PCBD2: variants seen among roughly 807,000 people sequenced by gnomAD.
PCBD2 encodes pterin-4 alpha-carbinolamine dehydratase 2, also known as pterin-4-alpha-carbinolamine dehydratase 2.
PCBD2 carries 12 observed loss-of-function variants against 16.4 expected under a neutral mutation model. The observed-to-expected ratio is 0.73, with a 90% CI of 0.47 to 1.19. The LOEUF is 1.19. Ranked by LOEUF, PCBD2 falls within the 50% of genes most tolerant of loss-of-function variation. The pLI is 0.00. For synonymous variants in PCBD2, 58 were observed against 61.8 expected, an observed-to-expected ratio of 0.94 and a Z score of 0.29; for missense variants, 138 against 156.8, an observed-to-expected ratio of 0.88 and a Z score of 0.64.
chr5:134,915,716 A>G (rs1750824341), intron 2 of PCBD2, among the ~76,000 whole-genome samples: 1 of 151,706 alleles, frequency 6.6e-6, no homozygotes, highest in Non-Finnish European at 1.5e-5. Flanking sequence ...CTCTCAAAGT[A>G]TTGGGGTTAT....
intron 1 of PCBD2, chr5:134,908,944 T>C (rs1351563155): frequency 1.3e-5 from 2 of 152,176 alleles, no homozygotes; most frequent in African/African-American, 4.8e-5. Context: ...TTCACTAATG[T>C]TCATCTTTCT....
chr5:134,945,883 G>A (rs1289439162), intron 2 of PCBD2, among the ~76,000 whole-genome samples: 1 of 152,084 alleles, frequency 6.6e-6, no homozygotes, highest in Non-Finnish European at 1.5e-5. Flanking sequence ...GGCAAGAGAG[G>A]TTTAGGATTT....
chr5:134,946,158 C>A (rs1437555124), intron 2 of PCBD2, among the ~76,000 whole-genome samples: 2 of 151,482 alleles, frequency 1.3e-5, no homozygotes, highest in Admixed American at 1.3e-4. Flanking sequence ...ATGTTTCTCT[C>A]CTTAAGCCTA....
At chr5:134,940,488 A>G (rs897147959) in intron 2 of PCBD2, among the ~76,000 whole-genome samples, 1 of 152,126 alleles carries the variant, frequency 6.6e-6, no homozygotes, top group East Asian at 1.9e-4. Flanking sequence ...TAAGGTTTCA[A>G]TAAAGAATGT....
intron 2 of PCBD2, among the ~76,000 whole-genome samples, chr5:134,948,064 G>GT (rs1751319058): frequency 6.6e-6 from 1 of 151,928 alleles, no homozygotes; most frequent in African/African-American, 2.4e-5. Context: ...GGGAACTCTG[G>GT]TAAGGGGCTT....
At chr5:134,911,362 C>T (rs1054791318) in intron 2 of PCBD2, among the ~76,000 whole-genome samples, 4 of 152,198 alleles carry the variant, frequency 2.6e-5, no homozygotes, top group Non-Finnish European at 5.9e-5. Context: ...CCATTAGGGA[C>T]CCACCCTGTT....
chr5:134,928,270 T>C (rs1751044936), intron 2 of PCBD2: 1 of 388,804 alleles, frequency 2.6e-6, no homozygotes, highest in East Asian at 3.6e-5. Flanking sequence ...GATATACTAG[T>C]ATTCCTAGAA....
chr5:134,939,364 A>G (rs565157690), intron 2 of PCBD2, among the ~76,000 whole-genome samples: 16 of 151,020 alleles, frequency 1.1e-4, no homozygotes, highest in Non-Finnish European at 1.9e-4. Flanking sequence ...GAGATTCTGA[A>G]GTTTTTAGAA....
At chr5:134,931,863 G>T (rs1751102858) in intron 2 of PCBD2, among the ~76,000 whole-genome samples, 1 of 152,192 alleles carries the variant, frequency 6.6e-6, no homozygotes, top group Non-Finnish European at 1.5e-5. Context: ...GAAAAAGATT[G>T]CCAGCTACTG....
intron 2 of PCBD2, among the ~76,000 whole-genome samples, chr5:134,920,183 G>A (rs1257464848): frequency 6.6e-6 from 1 of 152,146 alleles, no homozygotes; most frequent in Non-Finnish European, 1.5e-5. Flanking sequence ...TTACTATTAT[G>A]TTGCGCTTTT....
At chr5:134,949,181 A>G (rs1751332185) in intron 2 of PCBD2, among the ~76,000 whole-genome samples, 3 of 152,128 alleles carry the variant, frequency 2.0e-5, no homozygotes, top group Non-Finnish European at 2.9e-5. Context: ...ACAGATTGCC[A>G]GTTCCGCAAG....
At chr5:134,940,984 G>T (rs558018390) in intron 2 of PCBD2, among the ~76,000 whole-genome samples, 1 of 152,102 alleles carries the variant, frequency 6.6e-6, no homozygotes, top group East Asian at 1.9e-4. Flanking sequence ...GCGTGGTGGC[G>T]CATGCCTGTA....
In PCBD2 at chr5:134,912,352, C is replaced by T. The variant is rs570465702; in HGVS notation, c.216+1886C>T. 2.6e-5 allele frequency among the ~76,000 whole-genome samples: 4 copies of T among 152,258 alleles called. No individual in the cohort carries two copies. The South Asian group carries it at 8.3e-4, about 32-fold the overall frequency. On this transcript the variant is annotated intron_variant, in intron 2 of 3. Transcript: ENST00000254908. Reference sequence around the variant, plus strand: ...GTGTCCTGACAGTTGTCAGTGCCCTCCAGCGAAACACAACTAGGAACACAC... The same window carrying T: ...GTGTCCTGACAGTTGTCAGTGCCCTTCAGCGAAACACAACTAGGAACACAC...
At chr5:134,959,775 C>T (rs1455029485) in intron 3 of PCBD2, among the ~76,000 whole-genome samples, 4 of 151,098 alleles carry the variant, frequency 2.6e-5, no homozygotes, top group African/African-American at 7.3e-5. Flanking sequence ...CTAAACTTTT[C>T]TTTGCTATTT....
chr5:134,910,760 A>G (rs575736863), intron 2 of PCBD2, among the ~76,000 whole-genome samples: 1 of 152,358 alleles, frequency 6.6e-6, no homozygotes, highest in South Asian at 2.1e-4. Context: ...GAAATTTCAA[A>G]TAACATTAAA....
At chr5:134,933,041 A>G (rs186197907) in intron 2 of PCBD2, among the ~76,000 whole-genome samples, 159 of 152,314 alleles carry the variant, frequency 1.0e-3, no homozygotes, top group South Asian at 2.3e-3. Flanking sequence ...ATAATTTGGA[A>G]AACAGAAAAG....
At chr5:134,907,020 C>T (rs1465271467) in intron 1 of PCBD2, among the ~76,000 whole-genome samples, 1 of 152,174 alleles carries the variant, frequency 6.6e-6, no homozygotes, top group Admixed American at 6.5e-5. Flanking sequence ...GGGCAGGTGT[C>T]TGTTGTGGGC....
intron 2 of PCBD2, chr5:134,927,810 GT>G: frequency 2.5e-6 from 1 of 396,242 alleles, no homozygotes; most frequent in Non-Finnish European, 4.4e-6. Flanking sequence ...TGCCATGATT[GT>G]GAGGGGCAGG....
intron 2 of PCBD2, among the ~76,000 whole-genome samples, chr5:134,931,155 T>G (rs1318662128): frequency 2.6e-5 from 4 of 152,176 alleles, no homozygotes; most frequent in Non-Finnish European, 5.9e-5. Flanking sequence ...CCTGACCTCG[T>G]AATCTGCCTG....
Sources: allele counts gnomAD v4.1 joint callset (sites outside exome capture counted in the v4.1 genomes callset), GRCh38; gene constraint gnomAD v4.1.1; transcripts MANE v1.5; gene names NCBI Gene and HGNC (gene_info 2026-07-23, HGNC 2026-07-21).